Variants in ABHD5 observed in about 807,000 individuals in gnomAD.
ABHD5 encodes 1-acylglycerol-3-phosphate O-acyltransferase ABHD5.
A neutral mutation model predicts 44.9 loss-of-function variants in ABHD5; 30 were observed. The observed-to-expected ratio is 0.67, with a 90% confidence interval of 0.50 to 0.91. ABHD5 has a LOEUF of 0.91. Among genes scored for constraint, ABHD5 ranks in the 40% least tolerant of loss-of-function variants. The pLI is 0.00. For synonymous variants in ABHD5, 167 were observed against 147.0 expected, an observed-to-expected ratio of 1.14 and a Z score of -0.99; for missense variants, 399 against 423.4, an observed-to-expected ratio of 0.94 and a Z score of 0.50.
At chr3:43,713,712 TATAA>T (rs2084718861) in intron 4 of ABHD5, among the ~76,000 whole-genome samples, 1 of 152,210 alleles carries the variant, frequency 6.6e-6, no homozygotes, top group South Asian at 2.1e-4. Context: ...AGTCCTGAAA[TATAA>T]ATAGATTTTA....
intron 3 of ABHD5, among the ~76,000 whole-genome samples, chr3:43,706,110 G>A (rs1443195294): frequency 1.3e-5 from 2 of 152,176 alleles, no homozygotes; most frequent in African/African-American, 2.4e-5. Context: ...TGGGGTGGTT[G>A]TCAGGGTTGC....
chr3:43,698,863 G>A (rs2084504602), intron 1 of ABHD5, among the ~76,000 whole-genome samples: 1 of 152,122 alleles, frequency 6.6e-6, no homozygotes, highest in Non-Finnish European at 1.5e-5. Flanking sequence ...AACCCCCATA[G>A]AGGTACCTTT....
chr3:43,698,030 T>C (rs1264773517), intron 1 of ABHD5, among the ~76,000 whole-genome samples: 1 of 152,176 alleles, frequency 6.6e-6, no homozygotes, highest in Admixed American at 6.5e-5. Flanking sequence ...ATACGTAATA[T>C]CCAGATAAAT....
intron 2 of ABHD5, 60 bp downstream of exon 2, chr3:43,699,421 C>A: frequency 6.9e-7 from 1 of 1,439,802 alleles, no homozygotes; most frequent in Non-Finnish European, 9.7e-7. Context: ...CAATATATCT[C>A]ATTGCCCTGA....
chr3:43,702,286 T>C lies in ABHD5; in HGVS notation c.205T>C (p.Ser69Pro), dbSNP rs2084550773. ...AAATAAAATATGGACACTGAAGTTC[T>C]CTCATAATATTTCAAATAAGACTCC... ...NGNKIWTLKF[S>P]HNISNKTPLV... is the part of the protein sequence containing the mutation. Residue 69 changes from serine (S) to proline (P), a missense_variant, in exon 3 of 7, where the codon TCT becomes CCT. By Grantham distance (74) the Ser-to-Pro change is moderately conservative (BLOSUM62 -1). Coordinates refer to ENST00000644371, the MANE Select transcript of ABHD5 (RefSeq NM_016006.6). The C allele has an allele frequency of 6.2e-7, 1 of 1,602,302 alleles. No homozygotes were observed. Among genetic ancestry groups the C allele is most frequent in the Non-Finnish European group, 8.5e-7 (1 of 1,171,788 alleles).
intron 1 of ABHD5, among the ~76,000 whole-genome samples, chr3:43,692,192 T>C (rs1048832821): frequency 3.9e-5 from 6 of 152,222 alleles, no homozygotes; most frequent in African/African-American, 1.4e-4. Context: ...TGGAGTACCA[T>C]GAAGACAGGG....
chr3:43,694,393 T>TA (rs1044894768), intron 1 of ABHD5, among the ~76,000 whole-genome samples: 21 of 152,008 alleles, frequency 1.4e-4, no homozygotes, highest in Non-Finnish European at 2.6e-4. Context: ...TGTGAGTTAC[T>TA]AAAAAAAATC....
rs1296748136 is a variant in ABHD5 at position 43,714,977 on chromosome 3, A to C, written c.692A>C (p.Asp231Ala). The C allele has an allele frequency of 1.9e-6, 3 of 1,613,520 alleles. No individual in the cohort carries two copies. The highest frequency in any genetic ancestry group is 2.5e-6 in the Non-Finnish European group (3 of 1,179,710). Residue 231 changes from aspartate (D) to alanine (A), a missense_variant, in exon 5 of 7, where the codon GAT becomes GCT. Coordinates refer to ENST00000644371, the MANE Select transcript of ABHD5 (RefSeq NM_016006.6). ...AGTCTAGTGCAGCGTTTAAGGCCTG[A>C]TTTCAAACGAAAGTATTCTTCAATG... The part of the protein sequence containing the change: ...GLSLVQRLRP[D>A]FKRKYSSMFE...
chr3:43,701,936 A>T (rs2084546763), intron 2 of ABHD5: 1 of 339,362 alleles, frequency 2.9e-6, no homozygotes, highest in Non-Finnish European at 5.4e-6. Flanking sequence ...CATTTGACAG[A>T]TGTGGAAAGA....
In ABHD5 at chr3:43,702,511, T is replaced by G. The variant is rs767197048; in HGVS notation, c.430T>G (p.Leu144Val). 1.1e-5 allele frequency: 17 copies of G among 1,614,086 alleles called. No homozygotes were observed. The highest frequency in any genetic ancestry group is 4.0e-5 in the African/African-American group (3 of 74,924). Residue 144 changes from leucine to valine, a missense_variant, in exon 3 of 7, where the codon TTG becomes GTG. Physicochemically the swap from Leu to Val is conservative, Grantham distance 32. Transcript: ENST00000644371. ...TGAAGAGTGGAGATGTGCCCTAGGATTGGACAAAATGATCTTGCTTGGGCA... is the reference window on the plus strand; with the variant it reads ...TGAAGAGTGGAGATGTGCCCTAGGAGTGGACAAAATGATCTTGCTTGGGCA... The part of the protein sequence containing the change: ...SIEEWRCALG[L>V]DKMILLGHNL...
At chr3:43,694,116 C>T (rs1322635065) in intron 1 of ABHD5, among the ~76,000 whole-genome samples, 1 of 140,436 alleles carries the variant, frequency 7.1e-6, no homozygotes, top group African/African-American at 2.8e-5. Flanking sequence ...AAAAATTAGC[C>T]GGGCAAGGTG....
rs1265578568 is a variant in ABHD5, at chr3:43,721,972, A to G, written c.*3440A>G. On this transcript the variant is annotated 3_prime_UTR_variant, in exon 7 of 7. Transcript: ENST00000644371. ...CCAAGTTAGGCAATGCACTCTGTTG[A>G]GACAATAGGGAAACAGGCACTCCAA... The G allele has an allele frequency of 6.6e-6, 1 of 152,242 alleles. No individual in the cohort carries two copies. The highest frequency in any genetic ancestry group is 1.5e-5 in the Non-Finnish European group (1 of 68,048). 9.4% of individuals were successfully genotyped at this position (152,242 alleles called of 1,614,324 possible). A position where few individuals can be genotyped will look rare whatever the true frequency, so the allele number is the denominator to read the frequency against.
intron 3 of ABHD5, among the ~76,000 whole-genome samples, chr3:43,704,033 CTTTTTTTT>C (rs10544525): frequency 2.4e-3 from 204 of 84,876 alleles, no homozygotes; most frequent in African/African-American, 9.0e-3. Context: ...TCTTTATTTT[CTTTTTTTT>C]TTTTTTTTTT....
In ABHD5 at chr3:43,719,054, C is replaced by T. The variant is rs188895073; in HGVS notation, c.*522C>T. ...AGAATATTTCACTTTGTTTTTGAAA[C>T]GGAGTGACAAGGCAGATTTTTGGTT... On this transcript the variant is annotated 3_prime_UTR_variant, in exon 7 of 7. Coordinates refer to ENST00000644371, the MANE Select transcript of ABHD5 (RefSeq NM_016006.6). 6 of 156,216 alleles carry T rather than the reference C, an allele frequency of 3.8e-5. No homozygotes were observed. Among genetic ancestry groups the T allele is most frequent in the Non-Finnish European group, 7.1e-5 (5 of 70,566 alleles). 9.7% of individuals were successfully genotyped at this position (156,216 alleles called of 1,614,324 possible).
chr3:43,707,176 G>A (rs754615082), intron 3 of ABHD5, among the ~76,000 whole-genome samples: 4 of 151,868 alleles, frequency 2.6e-5, no homozygotes, highest in Admixed American at 6.6e-5. Flanking sequence ...AAAACTATCT[G>A]TATTTTAAAG....
chr3:43,691,078 G>A, intron 1 of ABHD5, 39 bp downstream of exon 1: 1 of 1,512,924 alleles, frequency 6.6e-7, no homozygotes. Flanking sequence ...TGTCTCCGGC[G>A]CGCACCCTCC....
chr3:43,726,812 T>G (rs569658187), downstream of ABHD5, among the ~76,000 whole-genome samples: 2 of 152,340 alleles, frequency 1.3e-5, no homozygotes, highest in South Asian at 4.1e-4. Context: ...ATTCTAATTC[T>G]GCAGATGTGT....
intron 4 of ABHD5, among the ~76,000 whole-genome samples, chr3:43,712,855 T>C (rs1249167042): frequency 6.6e-6 from 1 of 152,156 alleles, no homozygotes; most frequent in East Asian, 1.9e-4. Flanking sequence ...TAATGCTTTG[T>C]CAGGGAAGAA....
intron 1 of ABHD5, among the ~76,000 whole-genome samples, chr3:43,694,254 G>GTC (rs1323003556): frequency 9.1e-6 from 1 of 110,006 alleles, no homozygotes; most frequent in African/African-American, 3.7e-5. Context: ...GCAAGACTCC[G>GTC]TCTCAAAAAA....
Sources: allele counts gnomAD v4.1 joint callset (sites outside exome capture counted in the v4.1 genomes callset), GRCh38; gene constraint gnomAD v4.1.1; transcripts MANE v1.5; gene names NCBI Gene and HGNC (gene_info 2026-07-23, HGNC 2026-07-21).